The following SLC66A1 variants were observed in gnomAD, a reference collection of about 807,000 sequenced individuals.
SLC66A1 encodes the protein lysosomal amino acid transporter 1 homolog.
SLC66A1 carries 23 observed loss-of-function variants against 33.0 expected under a neutral mutation model. The observed-to-expected ratio is 0.70, with a 90% CI of 0.50 to 0.99. The LOEUF is 0.99. SLC66A1 is among the 50% of genes least tolerant of loss of function. The probability of loss-of-function intolerance (pLI) is 0.00; values close to 1 mark genes in which losing one functional copy is unlikely to be tolerated. For synonymous variants in SLC66A1, 164 were observed against 175.5 expected (o/e 0.93, Z 0.52); for missense variants, 335 against 383.6 (o/e 0.87, Z 1.06).
At chr1:19,326,105 A>C in intron 4 of SLC66A1, 140 bp from the exon 5 acceptor site, 1 of 739,458 alleles carries the variant, frequency 1.4e-6, no homozygotes, top group Non-Finnish European at 2.2e-6. Context: ...CGACAGATGA[A>C]GAATGAAAGC....
At chr1:19,320,761 G>A (rs2093832700) in intron 2 of SLC66A1, among the ~76,000 whole-genome samples, 1 of 149,208 alleles carries the variant, frequency 6.7e-6, no homozygotes, top group Admixed American at 6.6e-5. Flanking sequence ...TGCCCAGGCT[G>A]GAGTGCAGCA....
Position 19,328,789 on chromosome 1 carries a change from A to G in SLC66A1, c.*146A>G. The G allele has an allele frequency of 1.2e-6, 1 of 856,464 alleles. No homozygotes were observed. The highest frequency in any genetic ancestry group is 2.3e-5 in the Admixed American group (1 of 44,370). The allele number at this position is 856,464 out of a possible 1,614,324, so 53.1% of individuals were successfully genotyped here. A position where few individuals can be genotyped will look rare whatever the true frequency, so the allele number is the denominator to read the frequency against. ...CGTGGACCGAACCGTCCCCCCAGGA[A>G]CACACCTTCAGGTAGACCCCGAAGC... is the stretch of plus-strand genomic sequence containing the variant. On this transcript the variant is annotated 3_prime_UTR_variant, in exon 8 of 8. Coordinates refer to ENST00000375153, the MANE Select transcript of SLC66A1 (RefSeq NM_001040125.2). The surrounding 1 kb of genome is among the most constrained non-coding windows in gnomAD (Gnocchi z 4.7).
chr1:19,321,169 CT>C lies in SLC66A1; in HGVS notation c.164+3350del, dbSNP rs71577887. Among the ~76,000 whole-genome samples the C allele has an allele frequency of 2.8e-3, 230 of 82,108 alleles. 3 individuals carry two copies. The East Asian group carries it at 0.045, about 16-fold the overall frequency. The allele number at this position is 82,108 out of a possible 152,430, so 53.9% of individuals were successfully genotyped here. On this transcript the variant is annotated intron_variant, in intron 2 of 7. Transcript: ENST00000375153. Reference sequence around the variant, plus strand: ...TAACAAAGATTTATCCTTATCTCTTCTTTTTTTTTTTTTTTTTTTTTTGAGA... The same window carrying C: ...TAACAAAGATTTATCCTTATCTCTTCTTTTTTTTTTTTTTTTTTTTTGAGA...
At chr1:19,325,636 TG>T (rs768876479) in intron 4 of SLC66A1, 54 bp downstream of exon 4, 1 of 374,852 alleles carries the variant, frequency 2.7e-6, no homozygotes, top group Non-Finnish European at 4.8e-6. Context: ...AGGGGGCAGT[TG>T]TGGGGGGGGG....
intron 2 of SLC66A1, among the ~76,000 whole-genome samples, chr1:19,319,023 A>G (rs2093820157): frequency 6.6e-6 from 1 of 152,136 alleles, no homozygotes; most frequent in Non-Finnish European, 1.5e-5. Flanking sequence ...GGAGTCATCA[A>G]AGGCCCTGTG....
chr1:19,313,877 G>A (rs2093791298), intron 1 of SLC66A1, among the ~76,000 whole-genome samples: 1 of 152,190 alleles, frequency 6.6e-6, no homozygotes, highest in South Asian at 2.1e-4. Flanking sequence ...GGGTGTGGCA[G>A]GAGATGTCAT....
At chr1:19,312,944 C>G (rs1050309767) in intron 1 of SLC66A1, 55 bp downstream of exon 1, 14 of 152,840 alleles carry the variant, frequency 9.2e-5, no homozygotes, top group African/African-American at 2.9e-4. Context: ...TGAGGGGTCC[C>G]GGGCCTGGGT....
chr1:19,317,394 G>T (rs532831609), intron 1 of SLC66A1, among the ~76,000 whole-genome samples: 2 of 152,360 alleles, frequency 1.3e-5, no homozygotes, highest in African/African-American at 4.8e-5. Context: ...CACGCTGCCT[G>T]CATGTGTCTG....
In SLC66A1 at chr1:19,317,724, G is replaced by A. The variant is rs12140547; in HGVS notation, c.47G>A (p.Ser16Asn). Reference sequence around the variant, plus strand: ...TCCCGCAACTTCTCCAGCTGCCCCAGTGGCTCCATCCAGTGGATATGGGAT... The same window carrying A: ...TCCCGCAACTTCTCCAGCTGCCCCAATGGCTCCATCCAGTGGATATGGGAT... Reference protein sequence around the residue: ...LGSRNFSSCPSGSIQWIWDVL... With the variant: ...LGSRNFSSCPNGSIQWIWDVL... Residue 16 changes from serine (S) to asparagine (N), a missense_variant, in exon 2 of 8, where the codon AGT (serine) becomes AAT (asparagine). Coordinates refer to ENST00000375153, the MANE Select transcript of SLC66A1 (RefSeq NM_001040125.2). 84,792 of 1,614,150 alleles carry A rather than the reference G, an allele frequency of 0.053. 2,727 individuals carry two copies. The highest frequency in any genetic ancestry group is 0.13 in the African/African-American group (9,538 of 75,042).
Position 19,326,344 on chromosome 1 carries a change from C to T in SLC66A1, c.482C>T (p.Ala161Val). 1 of 1,606,784 alleles carries T rather than the reference C, an allele frequency of 6.2e-7. No homozygotes were observed. The highest frequency in any genetic ancestry group is 8.5e-7 in the Non-Finnish European group (1 of 1,179,536). The change falls in exon 5 of 8, where the codon GCC becomes GTC. Residue 161 changes from alanine to valine, a missense_variant. Ala to Val is a moderately conservative substitution (Grantham distance 64). Transcript: ENST00000375153. ...GGGCCCGTGGCTGCCCCTAGGGAAG[C>T]CTTCCGGGGGCGGGCGCTCCTGTCC... ...AAGPVAAPRE[A>V]FRGRALLSVE...
rs1006641093 is a variant in SLC66A1 at position 19,329,079 on chromosome 1, A to G, written c.*436A>G. On this transcript the variant is annotated 3_prime_UTR_variant, in exon 8 of 8. Transcript: ENST00000375153. Reference sequence around the variant, plus strand: ...CGAGACCAGCCTGGCCAACATGGTGAAACCCCATCTCTACTAAAAATACAA... The same window carrying G: ...CGAGACCAGCCTGGCCAACATGGTGGAACCCCATCTCTACTAAAAATACAA... 3.3e-5 allele frequency: 6 copies of G among 183,522 alleles called. No individual in the cohort carries two copies. Among genetic ancestry groups the G allele is most frequent in the South Asian group, 1.1e-4 (1 of 9,234 alleles). 11.4% of individuals were successfully genotyped at this position (183,522 alleles called of 1,614,324 possible). A position where few individuals can be genotyped will look rare whatever the true frequency, so the allele number is the denominator to read the frequency against.
chr1:19,320,412 CTTTTTTTTTT>C (rs34520375), intron 2 of SLC66A1, among the ~76,000 whole-genome samples: 1 of 98,630 alleles, frequency 1.0e-5, no homozygotes, highest in African/African-American at 4.2e-5. Flanking sequence ...GGTGGCCTGT[CTTTTTTTTTT>C]TTTTTTTTTT....
intron 1 of SLC66A1, 94 bp from the exon 2 acceptor site, chr1:19,317,506 C>T (rs2093812107): frequency 2.2e-6 from 3 of 1,383,196 alleles, no homozygotes; most frequent in East Asian, 5.1e-5. Context: ...GGCCAGGAGC[C>T]CCGTGAAAAG....
chr1:19,316,258 G>A (rs1448415166), intron 1 of SLC66A1, among the ~76,000 whole-genome samples: 2 of 152,158 alleles, frequency 1.3e-5, no homozygotes, highest in South Asian at 2.1e-4. Flanking sequence ...AGGCTGCATC[G>A]TCCCAAACTT....
chr1:19,322,042 T>C (rs2093840472), intron 2 of SLC66A1, among the ~76,000 whole-genome samples: 1 of 152,216 alleles, frequency 6.6e-6, no homozygotes, highest in South Asian at 2.1e-4. Flanking sequence ...GCTTCCATTC[T>C]GGTACCCTTG....
At chr1:19,327,638 A>G (rs765457075) in intron 7 of SLC66A1, 1 of 706,428 alleles carries the variant, frequency 1.4e-6, no homozygotes, top group Non-Finnish European at 2.6e-6. Flanking sequence ...AAGAACAGCC[A>G]TGAGTGCCCC....
intron 7 of SLC66A1, chr1:19,327,843 C>T (rs566160045): frequency 2.0e-5 from 7 of 342,634 alleles, no homozygotes; most frequent in Admixed American, 1.1e-4. Flanking sequence ...AGAAGTCAGG[C>T]GAAGGCAGGA....
intron 2 of SLC66A1, among the ~76,000 whole-genome samples, chr1:19,322,146 A>G (rs532292856): frequency 6.6e-6 from 1 of 151,844 alleles, no homozygotes; most frequent in Non-Finnish European, 1.5e-5. Flanking sequence ...GGAAGCCTTC[A>G]GCAAGCATCA....
At chr1:19,326,477 G>A (rs2093867858) in intron 5 of SLC66A1, 54 bp from the exon 6 acceptor site, 1 of 1,613,420 alleles carries the variant, frequency 6.2e-7, no homozygotes, top group African/African-American at 1.3e-5. Flanking sequence ...TAAATGGGGT[G>A]GGGGATCACC....
Sources: gnomAD v4.1 joint callset for allele counts (sites outside exome capture counted in the v4.1 genomes callset) on GRCh38, gnomAD v4.1.1 for gene constraint, Gnocchi (gnomAD v3.1) non-coding constraint, MANE v1.5 for transcripts, NCBI Gene and HGNC (gene_info 2026-07-23, HGNC 2026-07-21) for gene names.